Variants in CAPN8 observed in about 807,000 individuals in gnomAD.
CAPN8 encodes the protein calpain-8.
CAPN8 carries 87 observed loss-of-function variants against 80.9 expected under a neutral mutation model. The ratio of observed to expected loss-of-function variants is 1.07; its 90% CI spans 0.90 to 1.28. The LOEUF is 1.28. CAPN8 is among the 50% of genes most tolerant of loss of function. CAPN8 has a pLI of 0.00. For missense variants in CAPN8, 757 were observed against 702.0 expected (o/e 1.08, Z -0.89); for synonymous variants, 299 against 273.8 (o/e 1.09, Z -0.91).
chr1:223,622,197 C>T (rs1471846634), intron 7 of CAPN8, among the ~76,000 whole-genome samples: 1 of 152,206 alleles, frequency 6.6e-6, no homozygotes, highest in African/African-American at 2.4e-5. Flanking sequence ...ATGCTTTCCA[C>T]CCTCCTGCAT....
At chr1:223,646,149 G>T (rs1267585070) in intron 2 of CAPN8, among the ~76,000 whole-genome samples, 1 of 152,234 alleles carries the variant, frequency 6.6e-6, no homozygotes, top group Non-Finnish European at 1.5e-5. Flanking sequence ...AGCAACCACA[G>T]GGCCAAGAGA....
chr1:223,621,301 T>A (rs188774652), intron 7 of CAPN8, among the ~76,000 whole-genome samples: 2 of 151,414 alleles, frequency 1.3e-5, no homozygotes. Flanking sequence ...CTTAGGGATG[T>A]TGCCTTAGAG....
intron 1 of CAPN8, among the ~76,000 whole-genome samples, chr1:223,662,275 C>T (rs1367200748): frequency 2.6e-5 from 4 of 152,030 alleles, no homozygotes; most frequent in African/African-American, 7.2e-5. Context: ...TGGCAACACC[C>T]GATCTCTACT....
chr1:223,547,016 C>A (rs374612812), intron 16 of CAPN8, among the ~76,000 whole-genome samples: 23 of 152,102 alleles, frequency 1.5e-4, no homozygotes, highest in Non-Finnish European at 2.9e-4. Flanking sequence ...CAGGCTCAAG[C>A]GATTCTCGTG....
chr1:223,662,739 T>C (rs76145774), intron 1 of CAPN8, among the ~76,000 whole-genome samples: 3 of 152,194 alleles, frequency 2.0e-5, no homozygotes, highest in Non-Finnish European at 4.4e-5. Flanking sequence ...GCACCACATT[T>C]CTGGATACCC....
At chr1:223,617,999 C>T (rs1366741318) in intron 9 of CAPN8, 4 of 485,620 alleles carry the variant, frequency 8.2e-6, no homozygotes, top group Non-Finnish European at 1.5e-5. Context: ...AGACCCAGCA[C>T]TGCATCCAGG....
chr1:223,541,713 G>C lies in CAPN8; in HGVS notation c.*123C>G, dbSNP rs1656466822. 1 of 1,478,664 alleles carries C rather than the reference G, an allele frequency of 6.8e-7. No individual in the cohort carries two copies. Among genetic ancestry groups the C allele is most frequent in the Non-Finnish European group, 9.2e-7 (1 of 1,082,610 alleles). 91.6% of individuals were successfully genotyped at this position (1,478,664 alleles called of 1,614,324 possible). A position where few individuals can be genotyped will look rare whatever the true frequency, so the allele number is the denominator to read the frequency against. On this transcript the variant is annotated 3_prime_UTR_variant, in exon 21 of 21. Coordinates refer to ENST00000366872, the MANE Select transcript of CAPN8 (RefSeq NM_001143962.2). ...TCAGTGCTGCTGAAATAGACCCAGG[G>C]CAAGAAAGGTATGAACAACCAGTGA...
intron 2 of CAPN8, among the ~76,000 whole-genome samples, chr1:223,644,821 C>A (rs901932692): frequency 1.3e-5 from 2 of 152,148 alleles, no homozygotes; most frequent in African/African-American, 4.8e-5. Flanking sequence ...CTACTTTACT[C>A]ATTTATGTGG....
At chr1:223,626,303 C>G (rs1281882579) in intron 5 of CAPN8, among the ~76,000 whole-genome samples, 1 of 152,132 alleles carries the variant, frequency 6.6e-6, no homozygotes, top group African/African-American at 2.4e-5. Context: ...CTCTCCCATG[C>G]CCCATACCAC....
At chr1:223,618,177 G>A (rs1657257787) in intron 9 of CAPN8, 3 of 1,525,808 alleles carry the variant, frequency 2.0e-6, no homozygotes, top group Non-Finnish European at 2.7e-6. Context: ...GTGAAAAGTA[G>A]AGAGAGCAGG....
intron 1 of CAPN8, among the ~76,000 whole-genome samples, chr1:223,664,006 G>A (rs192743189): frequency 5.1e-4 from 78 of 152,322 alleles, no homozygotes; most frequent in African/African-American, 1.7e-3. Flanking sequence ...CTCCTGAGAC[G>A]TTGTTATGAG....
At chr1:223,661,341 A>G (rs1396941978) in intron 1 of CAPN8, among the ~76,000 whole-genome samples, 2 of 152,058 alleles carry the variant, frequency 1.3e-5, no homozygotes, top group African/African-American at 4.8e-5. Flanking sequence ...ATCAAAAAAC[A>G]GAAAATGGCT....
intron 2 of CAPN8, among the ~76,000 whole-genome samples, chr1:223,631,720 C>T (rs894473622): frequency 6.6e-6 from 1 of 152,212 alleles, no homozygotes; most frequent in Non-Finnish European, 1.5e-5. Flanking sequence ...GGGGAAGTGG[C>T]ATTCAACAAG....
At chr1:223,627,302 T>C (rs1657617666) in intron 4 of CAPN8, 145 bp from the exon 5 acceptor site, 2 of 867,682 alleles carry the variant, frequency 2.3e-6, no homozygotes, top group Non-Finnish European at 3.5e-6. Flanking sequence ...GCCAGGAAGG[T>C]GCTTAGGCCA....
At chr1:223,555,425 G>A (rs1463173887) in intron 13 of CAPN8, among the ~76,000 whole-genome samples, 1 of 152,190 alleles carries the variant, frequency 6.6e-6, no homozygotes, top group East Asian at 1.9e-4. Flanking sequence ...GGATATTAAC[G>A]CCTACCATGC....
intron 2 of CAPN8, among the ~76,000 whole-genome samples, chr1:223,648,547 C>T (rs565461043): frequency 2.0e-4 from 30 of 152,210 alleles, no homozygotes; most frequent in Non-Finnish European, 4.4e-4. Flanking sequence ...GTGTGCATGC[C>T]AGGCCCCTGT....
chr1:223,616,982 C>A (rs1402597348), intron 9 of CAPN8: 1 of 152,192 alleles, frequency 6.6e-6, no homozygotes, highest in Non-Finnish European at 1.5e-5. Flanking sequence ...TTAAAAGGAT[C>A]ATCCAAGGAT....
At chr1:223,621,076 G>T (rs1029285024) in intron 7 of CAPN8, among the ~76,000 whole-genome samples, 1 of 151,914 alleles carries the variant, frequency 6.6e-6, no homozygotes, top group Non-Finnish European at 1.5e-5. Context: ...TCCAAGCCAG[G>T]CTTTAAGACC....
Position 223,628,113 on chromosome 1 carries a change from C to G in CAPN8, c.456G>C (p.Val152=). The change falls in exon 4 of 21, where the codon GTG becomes GTC. Residue 152 remains valine, a synonymous_variant. Coordinates refer to ENST00000366872, the MANE Select transcript of CAPN8 (RefSeq NM_001143962.2). ...QFWQYGEWVE[V]VIDDRLPTKN... ...TGGTGGGCAGCCTGTCGTCAATGAC[C>G]ACCTCCACCCACTCTCCGTACTGCC... The G allele has an allele frequency of 6.4e-7, 1 of 1,550,508 alleles. No homozygotes were observed.
Sources: gnomAD v4.1 joint callset for allele counts (sites outside exome capture counted in the v4.1 genomes callset) on GRCh38, gnomAD v4.1.1 for gene constraint, MANE v1.5 for transcripts, NCBI Gene and HGNC (gene_info 2026-07-23, HGNC 2026-07-21) for gene names.